The following KIF26B variants were observed in gnomAD, a reference collection of about 807,000 sequenced individuals.
The protein encoded by KIF26B is kinesin-like protein KIF26B.
Under a neutral mutation model 151.2 loss-of-function variants are expected in KIF26B, and 63 were observed. The ratio of observed to expected loss-of-function variants is 0.42; its 90% CI spans 0.34 to 0.51. KIF26B has a LOEUF of 0.51. Among genes scored for constraint, KIF26B ranks in the 20% least tolerant of loss-of-function variants. The pLI is 0.07. For missense variants in KIF26B, 2,813 were observed against 2,913.6 expected, an observed-to-expected ratio of 0.97 and a Z score of 0.79; for synonymous variants, 1,357 against 1,262.1, an observed-to-expected ratio of 1.08 and a Z score of -1.59.
chr1:245,584,298 C>T (rs1262946214), intron 5 of KIF26B, among the ~76,000 whole-genome samples: 1 of 152,202 alleles, frequency 6.6e-6, no homozygotes, highest in Non-Finnish European at 1.5e-5. Flanking sequence ...CATGCATACA[C>T]AGCCTGCAGA....
intron 2 of KIF26B, among the ~76,000 whole-genome samples, chr1:245,340,412 GA>G (rs1282638593): frequency 6.8e-6 from 1 of 147,560 alleles, no homozygotes; most frequent in Non-Finnish European, 1.5e-5. Flanking sequence ...TTTTTTTTCT[GA>G]ATACTTTTAA....
chr1:245,252,432 T>C (rs1670461816), intron 2 of KIF26B, among the ~76,000 whole-genome samples: 1 of 152,192 alleles, frequency 6.6e-6, no homozygotes, highest in South Asian at 2.1e-4. Flanking sequence ...TCTTCTTAGG[T>C]ACTTTAGGGT....
At chr1:245,623,114 CAT>C (rs2043684214) in intron 9 of KIF26B, among the ~76,000 whole-genome samples, 1 of 136,798 alleles carries the variant, frequency 7.3e-6, no homozygotes, top group Non-Finnish European at 1.5e-5. Context: ...CATATTAAAT[CAT>C]ATAACTTGAT....
At position 245,351,918 on chromosome 1, in the gene KIF26B, G is replaced by C. The variant is rs184902721; in HGVS notation, c.466-14916G>C. Among the ~76,000 whole-genome samples the C allele has an allele frequency of 2.6e-3, 401 of 152,278 alleles. 2 individuals are homozygous for C. The highest frequency in any genetic ancestry group is 5.0e-3 in the Non-Finnish European group (339 of 68,020). On this transcript the variant is annotated intron_variant, in intron 2 of 14. Transcript: ENST00000407071. ...GACACTTAATAAGTGTTTTATAAAT[G>C]AATGAAATTAGTGAGTGAAGAGGTA...
chr1:245,261,437 C>G (rs565161016), intron 2 of KIF26B, among the ~76,000 whole-genome samples: 4 of 150,940 alleles, frequency 2.7e-5, no homozygotes, highest in African/African-American at 9.7e-5. Flanking sequence ...AGCTTGTTCG[C>G]GCTCGCTTGC....
At chr1:245,505,326 A>G (rs1356285647) in intron 4 of KIF26B, among the ~76,000 whole-genome samples, 1 of 152,028 alleles carries the variant, frequency 6.6e-6, no homozygotes, top group Non-Finnish European at 1.5e-5. Flanking sequence ...TCTTATTAGC[A>G]GACTTGGGAT....
At chr1:245,306,504 T>A (rs1671541798) in intron 2 of KIF26B, among the ~76,000 whole-genome samples, 1 of 152,232 alleles carries the variant, frequency 6.6e-6, no homozygotes, top group Non-Finnish European at 1.5e-5. Flanking sequence ...TATAAATGGA[T>A]GAATTATATT....
intron 2 of KIF26B, among the ~76,000 whole-genome samples, chr1:245,309,561 G>C (rs776659570): frequency 2.5e-4 from 38 of 151,808 alleles, no homozygotes; most frequent in Non-Finnish European, 5.0e-4. Flanking sequence ...AGTCTCTCTT[G>C]GGTCGCCAGC....
chr1:245,225,011 C>G (rs1019089431), intron 2 of KIF26B, among the ~76,000 whole-genome samples: 1 of 152,194 alleles, frequency 6.6e-6, no homozygotes, highest in African/African-American at 2.4e-5. Context: ...CTATATTCTC[C>G]AACCACAAAA....
chr1:245,236,645 G>A (rs539517881), intron 2 of KIF26B, among the ~76,000 whole-genome samples: 2 of 152,286 alleles, frequency 1.3e-5, no homozygotes, highest in African/African-American at 4.8e-5. Context: ...TAATGCATGC[G>A]ACTTGATTTT....
In KIF26B at chr1:245,467,933, G is replaced by A. The variant is rs866807564; in HGVS notation, c.1166+48188G>A. The stretch of plus-strand genomic sequence containing the variant: ...GGGTTGGCAGTGGCCTTCACACACA[G>A]CAGTCTCTGCCTTTAATAATGGTTT... On this transcript the variant is annotated intron_variant, in intron 4 of 14. Coordinates refer to ENST00000407071, the MANE Select transcript of KIF26B (RefSeq NM_018012.4). Among the ~76,000 whole-genome samples, 9 of 151,962 alleles carry A rather than the reference G, an allele frequency of 5.9e-5. No individual in the cohort carries two copies. In the South Asian group the frequency reaches 1.9e-3, roughly 32 times the overall value.
intron 4 of KIF26B, among the ~76,000 whole-genome samples, chr1:245,484,766 C>CTTCTTCTTCTT (rs1558184420): frequency 4.9e-5 from 6 of 123,288 alleles, no homozygotes; most frequent in Middle Eastern, 4.0e-3. Flanking sequence ...TCTTCTTCTT[C>CTTCTTCTTCTT]ATATTATTAT....
At chr1:245,688,831 C>G in intron 12 of KIF26B, 24 bp downstream of exon 12, 3 of 1,544,406 alleles carry the variant, frequency 1.9e-6, no homozygotes, top group Non-Finnish European at 2.6e-6. Context: ...CGCAGGGACG[C>G]GGGTGAGGAG....
At chr1:245,430,093 G>A (rs1658742960) in intron 4 of KIF26B, among the ~76,000 whole-genome samples, 1 of 152,194 alleles carries the variant, frequency 6.6e-6, no homozygotes, top group Non-Finnish European at 1.5e-5. Context: ...CGAAAACAGT[G>A]AATAAAAGTA....
chr1:245,372,193 T>C (rs767892702), intron 3 of KIF26B, among the ~76,000 whole-genome samples: 3 of 152,220 alleles, frequency 2.0e-5, no homozygotes, highest in Non-Finnish European at 2.9e-5. Context: ...GAAACCCTAC[T>C]GTGAACTGTG....
chr1:245,393,418 C>T (rs572562459), intron 3 of KIF26B, among the ~76,000 whole-genome samples: 77 of 152,198 alleles, frequency 5.1e-4, no homozygotes, highest in South Asian at 3.9e-3. Context: ...CATTCTGTTT[C>T]ACTTTTATTC....
Position 245,367,217 on chromosome 1 carries a change from C to T in KIF26B, c.849C>T (p.Ser283=), listed in dbSNP as rs1389141321. The change falls in exon 3 of 15, where the codon TCC becomes TCT. Residue 283 remains serine (S), a synonymous_variant. Coordinates refer to ENST00000407071, the MANE Select transcript of KIF26B (RefSeq NM_018012.4). This position sits in a 1 kb window ranked among gnomAD's most constrained non-coding sequence, Gnocchi z 4.2. ...VSNGAEKKSG[S]PTHQAKVSLQ... ...ATGGGGCGGAAAAGAAGAGCGGGTC[C>T]CCAACCCACCAGGCCAAGGTCAGCC... 1.2e-6 allele frequency: 2 copies of T among 1,610,014 alleles called. No individual in the cohort carries two copies. Among genetic ancestry groups the T allele is most frequent in the East Asian group, 2.2e-5 (1 of 44,724 alleles).
rs1300661714 is a variant in KIF26B at position 245,563,943 on chromosome 1, G to A, written c.1350+22993G>A. ...TCTCTCCCTGTCCGTGCATCCATCTGTTTCTGCACTCTCTTCGGTGCATCC... is the reference window on the plus strand; with the variant it reads ...TCTCTCCCTGTCCGTGCATCCATCTATTTCTGCACTCTCTTCGGTGCATCC... On this transcript the variant is annotated intron_variant, in intron 5 of 14. Transcript: ENST00000407071. The surrounding 1 kb of genome is among the most constrained non-coding windows in gnomAD (Gnocchi z 4.6). 6.6e-6 allele frequency among the ~76,000 whole-genome samples: 1 copy of A among 152,040 alleles called. No individual in the cohort carries two copies. The highest frequency in any genetic ancestry group is 1.5e-5 in the Non-Finnish European group (1 of 68,010).
intron 5 of KIF26B, among the ~76,000 whole-genome samples, chr1:245,584,093 A>G (rs1019220630): frequency 2.5e-4 from 38 of 152,334 alleles, no homozygotes; most frequent in African/African-American, 7.7e-4. Flanking sequence ...AGGTGACTGC[A>G]TCATGGATCC....
Sources: gnomAD v4.1 joint callset for allele counts (sites outside exome capture counted in the v4.1 genomes callset) on GRCh38, gnomAD v4.1.1 for gene constraint, Gnocchi (gnomAD v3.1) non-coding constraint, MANE v1.5 for transcripts, NCBI Gene and HGNC (gene_info 2026-07-23, HGNC 2026-07-21) for gene names.